The following NLGN1 variants were observed in gnomAD, a reference collection of about 807,000 sequenced individuals.
NLGN1 encodes neuroligin 1.
NLGN1 carries 12 observed loss-of-function variants against 65.5 expected under a neutral mutation model. The ratio of observed to expected loss-of-function variants is 0.18; its 90% CI spans 0.12 to 0.30. NLGN1 has a LOEUF of 0.30. Among genes scored for constraint, NLGN1 ranks in the 10% least tolerant of loss-of-function variants. The probability of loss-of-function intolerance (pLI) is 1.00; values close to 1 mark genes in which losing one functional copy is unlikely to be tolerated. For synonymous variants in NLGN1, 350 were observed against 359.5 expected, an observed-to-expected ratio of 0.97 and a Z score of 0.30; for missense variants, 750 against 1,007.1, an observed-to-expected ratio of 0.74 and a Z score of 3.46.
chr3:173,881,082 C>T (rs1733143553), intron 4 of NLGN1, among the ~76,000 whole-genome samples: 1 of 149,728 alleles, frequency 6.7e-6, no homozygotes, highest in Admixed American at 6.7e-5. Flanking sequence ...CATCTTCAGG[C>T]TCCCTCCTTT....
chr3:173,689,064 T>G (rs2149814735), intron 3 of NLGN1, among the ~76,000 whole-genome samples: 1 of 152,330 alleles, frequency 6.6e-6, no homozygotes, highest in African/African-American at 2.4e-5. Flanking sequence ...CTGCTCTTAC[T>G]GGCTGCCTTG....
At chr3:173,724,464 C>T (rs556103673) in intron 3 of NLGN1, 4 of 218,580 alleles carry the variant, frequency 1.8e-5, no homozygotes, top group African/African-American at 6.8e-5. Flanking sequence ...GTAGTAGAGA[C>T]GAGGTTTCAC....
chr3:173,557,372 C>T (rs933179863), intron 2 of NLGN1, among the ~76,000 whole-genome samples: 7 of 152,016 alleles, frequency 4.6e-5, no homozygotes, highest in East Asian at 1.9e-4. Flanking sequence ...TTATGCACAG[C>T]GTATGACTTA....
At chr3:173,900,360 A>G (rs555615287) in intron 4 of NLGN1, among the ~76,000 whole-genome samples, 75 of 152,178 alleles carry the variant, frequency 4.9e-4, no homozygotes, top group African/African-American at 1.5e-3. Flanking sequence ...AGAGATGTGA[A>G]TATACCCTAA....
chr3:173,867,699 G>A (rs1253098785), intron 4 of NLGN1, among the ~76,000 whole-genome samples: 2 of 152,044 alleles, frequency 1.3e-5, no homozygotes, highest in East Asian at 3.9e-4. Context: ...TAGTGGTGAT[G>A]AAGGGTACAT....
At chr3:173,838,716 G>C (rs1195340274) in intron 4 of NLGN1, among the ~76,000 whole-genome samples, 1 of 152,178 alleles carries the variant, frequency 6.6e-6, no homozygotes, top group Non-Finnish European at 1.5e-5. Context: ...GATTTTGGTA[G>C]AGTTTCAGAA....
intron 2 of NLGN1, among the ~76,000 whole-genome samples, chr3:173,449,201 G>T (rs2148834578): frequency 6.6e-6 from 1 of 152,044 alleles, no homozygotes; most frequent in Middle Eastern, 3.4e-3. Context: ...TGGGCATTTA[G>T]TGCTATAAAT....
chr3:173,972,406 A>G (rs1019162512), intron 4 of NLGN1, among the ~76,000 whole-genome samples: 1 of 152,182 alleles, frequency 6.6e-6, no homozygotes, highest in African/African-American at 2.4e-5. Context: ...GGTAGAATGA[A>G]TGCAAAGGCG....
At chr3:173,680,673 A>G (rs984962651) in intron 3 of NLGN1, among the ~76,000 whole-genome samples, 5 of 152,200 alleles carry the variant, frequency 3.3e-5, no homozygotes, top group Non-Finnish European at 5.9e-5. Context: ...ATATTTCTGC[A>G]TACATTTGAA....
chr3:174,020,650 T>C (rs1413071914), intron 4 of NLGN1, among the ~76,000 whole-genome samples: 2 of 152,152 alleles, frequency 1.3e-5, no homozygotes, highest in African/African-American at 4.8e-5. Context: ...CATTCACTAA[T>C]GCAAATGGTA....
intron 4 of NLGN1, among the ~76,000 whole-genome samples, chr3:174,013,455 A>G (rs544439253): frequency 1.3e-5 from 2 of 152,318 alleles, no homozygotes; most frequent in South Asian, 4.1e-4. Flanking sequence ...TAATATTTTA[A>G]TAACTCAAAA....
At chr3:173,702,315 G>A (rs1295016402) in intron 3 of NLGN1, among the ~76,000 whole-genome samples, 3 of 152,014 alleles carry the variant, frequency 2.0e-5, no homozygotes, top group Non-Finnish European at 2.9e-5. Context: ...TGAAGGGATA[G>A]AGAAAGGGAA....
intron 2 of NLGN1, among the ~76,000 whole-genome samples, chr3:173,558,540 T>G (rs1292584448): frequency 2.0e-5 from 3 of 152,198 alleles, no homozygotes; most frequent in African/African-American, 7.2e-5. Flanking sequence ...GAATAATTTT[T>G]ATTGACCCGT....
chr3:173,878,582 C>T (rs1465592254), intron 4 of NLGN1, among the ~76,000 whole-genome samples: 1 of 150,980 alleles, frequency 6.6e-6, no homozygotes, highest in Non-Finnish European at 1.5e-5. Flanking sequence ...TCCATTCACA[C>T]ATTCATGCAT....
intron 2 of NLGN1, among the ~76,000 whole-genome samples, chr3:173,465,085 C>T (rs2089554661): frequency 6.6e-6 from 1 of 152,138 alleles, no homozygotes; most frequent in African/African-American, 2.4e-5. Flanking sequence ...TGATAATACG[C>T]TTAGGCATTT....
At chr3:174,236,446 A>G (rs959722624) in intron 4 of NLGN1, among the ~76,000 whole-genome samples, 1 of 152,026 alleles carries the variant, frequency 6.6e-6, no homozygotes, top group East Asian at 1.9e-4. Context: ...ACATGTTTTA[A>G]TGTAACATCA....
intron 4 of NLGN1, among the ~76,000 whole-genome samples, chr3:174,076,292 T>A (rs1439798957): frequency 6.6e-6 from 1 of 152,116 alleles, no homozygotes; most frequent in African/African-American, 2.4e-5. Context: ...GTCATATGTT[T>A]TATATATATT....
At chr3:173,959,374 G>A (rs1314559884) in intron 4 of NLGN1, among the ~76,000 whole-genome samples, 1 of 152,236 alleles carries the variant, frequency 6.6e-6, no homozygotes, top group Non-Finnish European at 1.5e-5. Context: ...AACACCTAGG[G>A]ATGGCAGAGT....
chr3:174,222,655 C>A (rs1236243899), intron 4 of NLGN1, among the ~76,000 whole-genome samples: 1 of 152,164 alleles, frequency 6.6e-6, no homozygotes, highest in Non-Finnish European at 1.5e-5. Context: ...GTCAATATAT[C>A]TGGCAAAATA....
Sources: allele counts gnomAD v4.1 joint callset (sites outside exome capture counted in the v4.1 genomes callset), GRCh38; gene constraint gnomAD v4.1.1; transcripts MANE v1.5; gene names NCBI Gene and HGNC (gene_info 2026-07-23, HGNC 2026-07-21).